Variants in NEGR1 observed in about 807,000 individuals in gnomAD.
NEGR1 encodes IgLON family member 4.
In NEGR1, 10 loss-of-function variants were observed where a neutral mutation model predicts 40.9. That is an observed-to-expected ratio of 0.24 (90% confidence interval 0.15 to 0.42). The LOEUF (loss-of-function observed/expected upper bound fraction) is 0.42. Ranked by LOEUF, NEGR1 falls within the 10% of genes least tolerant of loss-of-function variation. The pLI, the probability that NEGR1 is intolerant of heterozygous loss-of-function variation, is 1.00. For synonymous variants in NEGR1, 185 were observed against 166.8 expected (o/e 1.11, Z -0.84); for missense variants, 352 against 438.9 (o/e 0.80, Z 1.77).
chr1:72,231,184 A>C (rs1654351957), intron 1 of NEGR1, among the ~76,000 whole-genome samples: 1 of 152,190 alleles, frequency 6.6e-6, no homozygotes, highest in Non-Finnish European at 1.5e-5. Flanking sequence ...ACTCCTTCAG[A>C]CTGACTCCTG....
At chr1:72,277,002 A>G (rs376738766) in intron 1 of NEGR1, among the ~76,000 whole-genome samples, 1 of 152,262 alleles carries the variant, frequency 6.6e-6, no homozygotes, top group South Asian at 2.1e-4. Flanking sequence ...CACAGGAGCT[A>G]GTTATCAGTT....
At chr1:72,016,682 C>T (rs924956117) in intron 1 of NEGR1, among the ~76,000 whole-genome samples, 1 of 152,124 alleles carries the variant, frequency 6.6e-6, no homozygotes, top group Non-Finnish European at 1.5e-5. Flanking sequence ...CTTATGAAAA[C>T]CTACATTCCA....
At chr1:71,709,405 T>C (rs1359895106) in intron 3 of NEGR1, among the ~76,000 whole-genome samples, 2 of 152,212 alleles carry the variant, frequency 1.3e-5, no homozygotes, top group African/African-American at 4.8e-5. Context: ...TGATTAGTAA[T>C]GTTGAGCTTT....
chr1:72,197,235 C>A (rs559996417), intron 1 of NEGR1, among the ~76,000 whole-genome samples: 1 of 152,064 alleles, frequency 6.6e-6, no homozygotes, highest in Admixed American at 6.6e-5. Context: ...CAGTGACCAA[C>A]TATTAGAAAA....
intron 1 of NEGR1, among the ~76,000 whole-genome samples, chr1:72,201,404 T>A (rs1653201064): frequency 6.6e-6 from 1 of 151,836 alleles, no homozygotes; most frequent in South Asian, 2.1e-4. Flanking sequence ...TCTCAGAGTT[T>A]CTGAGAGCAT....
chr1:72,221,658 GC>G (rs1176758036), intron 1 of NEGR1, among the ~76,000 whole-genome samples: 1 of 152,002 alleles, frequency 6.6e-6, no homozygotes, highest in East Asian at 1.9e-4. Context: ...CCAGAAAGTA[GC>G]CTTAAACATT....
At chr1:71,942,479 ATATATTTTTTTTTTTTTT>A (rs1645973152) in intron 1 of NEGR1, among the ~76,000 whole-genome samples, 1 of 16,422 alleles carries the variant, frequency 6.1e-5, no homozygotes, top group African/African-American at 2.0e-4. Context: ...ATATATATAT[ATATATTTTTTTTTTTTTT>A]TTTTTTTTTT....
intron 1 of NEGR1, among the ~76,000 whole-genome samples, chr1:71,964,750 C>A (rs531553619): frequency 6.6e-6 from 1 of 152,156 alleles, no homozygotes; most frequent in Admixed American, 6.5e-5. Flanking sequence ...CATAGCTACA[C>A]CACTGGAACA....
At chr1:71,886,127 T>G (rs1660716065) in intron 2 of NEGR1, among the ~76,000 whole-genome samples, 1 of 151,902 alleles carries the variant, frequency 6.6e-6, no homozygotes, top group African/African-American at 2.4e-5. Context: ...TTCAAAGGAG[T>G]TGCTAATTAT....
intron 5 of NEGR1, among the ~76,000 whole-genome samples, chr1:71,603,990 A>G (rs772965738): frequency 1.3e-5 from 2 of 152,178 alleles, no homozygotes; most frequent in Non-Finnish European, 2.9e-5. Flanking sequence ...GCCATGTTAC[A>G]TTAAACTAAC....
chr1:71,864,773 G>T (rs1014779854), intron 2 of NEGR1, among the ~76,000 whole-genome samples: 3 of 151,940 alleles, frequency 2.0e-5, no homozygotes, highest in Non-Finnish European at 2.9e-5. Context: ...ACAAACAGAA[G>T]AACTCAATTA....
rs572325092 is a variant in NEGR1 at position 71,417,866 on chromosome 1, T to A, written c.941-10296A>T. Among the ~76,000 whole-genome samples, 12 of 152,274 alleles carry A rather than the reference T, an allele frequency of 7.9e-5. No homozygotes were observed. The South Asian group carries it at 2.5e-3, about 32-fold the overall frequency. On this transcript the variant is annotated intron_variant, in intron 6 of 6. Coordinates refer to ENST00000357731, the MANE Select transcript of NEGR1 (RefSeq NM_173808.3). ...CCTACCTTGGCCCACAAAGAAATGTTCAGTTGTTGGCAGGAGATCATGTGT... is the reference window on the plus strand; with the variant it reads ...CCTACCTTGGCCCACAAAGAAATGTACAGTTGTTGGCAGGAGATCATGTGT...
At chr1:71,962,223 C>G (rs78470416) in intron 1 of NEGR1, among the ~76,000 whole-genome samples, 1 of 151,964 alleles carries the variant, frequency 6.6e-6, no homozygotes, top group African/African-American at 2.4e-5. Context: ...AAGGCCAAAA[C>G]AATCGCAGGC....
chr1:71,611,258 T>C (rs1325599366), intron 4 of NEGR1, 112 bp from the exon 5 acceptor site: 4 of 916,904 alleles, frequency 4.4e-6, no homozygotes, highest in Non-Finnish European at 6.6e-6. Flanking sequence ...ATCTTATGCC[T>C]GATAGACCAA....
At chr1:71,443,358 T>G (rs950241858) in intron 6 of NEGR1, among the ~76,000 whole-genome samples, 6 of 152,234 alleles carry the variant, frequency 3.9e-5, no homozygotes, top group Non-Finnish European at 5.9e-5. Flanking sequence ...ATTTCCTGTA[T>G]TACTTATTTG....
intron 2 of NEGR1, among the ~76,000 whole-genome samples, chr1:71,851,173 T>A (rs1307123608): frequency 1.3e-5 from 2 of 152,174 alleles, no homozygotes; most frequent in African/African-American, 4.8e-5. Context: ...AATACCCTGG[T>A]TTGAACAAAA....
chr1:71,839,049 T>C (rs918830712), intron 2 of NEGR1, among the ~76,000 whole-genome samples: 1 of 151,920 alleles, frequency 6.6e-6, no homozygotes, highest in African/African-American at 2.4e-5. Context: ...ATTGGGAAAG[T>C]TGAAATGCTG....
intron 1 of NEGR1, among the ~76,000 whole-genome samples, chr1:72,191,582 T>G (rs1264485504): frequency 6.6e-6 from 1 of 151,842 alleles, no homozygotes; most frequent in South Asian, 2.1e-4. Context: ...TATACTTCAT[T>G]ATAAATAACT....
chr1:71,488,684 C>T (rs929609388), intron 6 of NEGR1, among the ~76,000 whole-genome samples: 2 of 151,382 alleles, frequency 1.3e-5, no homozygotes, highest in Non-Finnish European at 3.0e-5. Context: ...TACCTATATC[C>T]CTTCTTCTAT....
Sources: gnomAD v4.1 joint callset for allele counts (sites outside exome capture counted in the v4.1 genomes callset) on GRCh38, gnomAD v4.1.1 for gene constraint, MANE v1.5 for transcripts, NCBI Gene and HGNC (gene_info 2026-07-23, HGNC 2026-07-21) for gene names.